The following NECAB2 variants were observed in gnomAD, a reference collection of about 807,000 sequenced individuals.
NECAB2 encodes N-terminal EF-hand calcium binding protein 2, also known as N-terminal EF-hand calcium-binding protein 2.
NECAB2 carries 68 observed loss-of-function variants against 51.9 expected under a neutral mutation model. That is an observed-to-expected ratio of 1.31 (90% CI 1.08 to 1.60). The LOEUF (loss-of-function observed/expected upper bound fraction) is 1.60. Ranked by LOEUF, NECAB2 falls within the 40% of genes most tolerant of loss-of-function variation. The probability of loss-of-function intolerance (pLI) is 0.00; values close to 1 mark genes in which losing one functional copy is unlikely to be tolerated. For missense variants in NECAB2, 854 were observed against 490.3 expected (o/e 1.74, Z -7.00); for synonymous variants, 329 against 203.5 (o/e 1.62, Z -5.25).
chr16:84,002,030 C>G (rs1253721831), intron 12 of NECAB2, 114 bp downstream of exon 12: 3 of 1,223,666 alleles, frequency 2.5e-6, no homozygotes, highest in Non-Finnish European at 3.5e-6. Context: ...GGCCCACTGT[C>G]AGCTCCTGCC....
intron 8 of NECAB2, 24 bp downstream of exon 8, chr16:83,994,712 G>A (rs762305588): frequency 2.2e-5 from 35 of 1,612,592 alleles, no homozygotes; most frequent in East Asian, 1.3e-4. Flanking sequence ...TGACCACGGC[G>A]TCTACTCCTT....
At chr16:83,984,251 TC>T (rs1013466195) in intron 5 of NECAB2, among the ~76,000 whole-genome samples, 1 of 151,838 alleles carries the variant, frequency 6.6e-6, no homozygotes, top group African/African-American at 2.4e-5. Flanking sequence ...CTCCTCGGCC[TC>T]CCAAAGTGCT....
At chr16:83,981,174 T>C (rs1180748626) in intron 5 of NECAB2, 47 bp downstream of exon 5, 1 of 1,252,514 alleles carries the variant, frequency 8.0e-7, no homozygotes, top group Non-Finnish European at 1.1e-6. Context: ...CCAGTGCTGC[T>C]TCAGTTCCAC....
At position 83,972,129 on chromosome 16, in the gene NECAB2, A is replaced by C. The variant is rs747993307; in HGVS notation, c.202-22A>C. On this transcript the variant is annotated intron_variant, in intron 1 of 12. Transcript: ENST00000305202. ...CTTGCCTCTCCCTGGCCCAGGGCTGACTCCGCCTCTCTTTTCTGCAGATTT... is the reference window on the plus strand; with the variant it reads ...CTTGCCTCTCCCTGGCCCAGGGCTGCCTCCGCCTCTCTTTTCTGCAGATTT... 1.9e-6 allele frequency: 3 copies of C among 1,612,928 alleles called. No homozygotes were observed. The South Asian group carries it at 3.3e-5, about 18-fold the overall frequency.
rs77097958 is a variant in NECAB2 at position 83,995,348 on chromosome 16, G to C, written c.795+660G>C. ...TCATAGCTGTGTGACCCTGGGCCAG[G>C]GACTTGTCCTCTCTGAGGCTTAGAT... On this transcript the variant is annotated intron_variant, in intron 8 of 12. Transcript: ENST00000305202. 1.5e-3 allele frequency among the ~76,000 whole-genome samples: 234 copies of C among 152,148 alleles called. 1 individual carries two copies. Among genetic ancestry groups the C allele is most frequent in the African/African-American group, 4.9e-3 (205 of 41,446 alleles).
upstream of NECAB2, among the ~76,000 whole-genome samples, chr16:83,967,007 G>C (rs1002856323): frequency 6.6e-6 from 1 of 152,096 alleles, no homozygotes; most frequent in African/African-American, 2.4e-5. Flanking sequence ...AAGTAGCTGG[G>C]ATTACAGGTG....
rs771125729 is a variant in NECAB2, at chr16:83,972,195, C to A, written c.226+20C>A. On this transcript the variant is annotated intron_variant, in intron 2 of 12. Coordinates refer to ENST00000305202, the MANE Select transcript of NECAB2 (RefSeq NM_019065.3). ...AAAATGGTGAGTTTCCCTTCCAGGC[C>A]GACGGCCGCCCCACTCCTTCTGTCC... is the stretch of plus-strand genomic sequence containing the variant. 1.9e-6 allele frequency: 3 copies of A among 1,613,408 alleles called. No homozygotes were observed. Among genetic ancestry groups the A allele is most frequent in the African/African-American group, 1.3e-5 (1 of 74,930 alleles).
chr16:83,997,389 A>C (rs1230675399), intron 9 of NECAB2, 120 bp downstream of exon 9: 1 of 1,137,312 alleles, frequency 8.8e-7, no homozygotes, highest in Non-Finnish European at 1.2e-6. Flanking sequence ...CCAGGAGGGG[A>C]GATGTCGCCC....
rs1437605837 is a variant in NECAB2 at position 84,002,356 on chromosome 16, A to G, written c.*10A>G. 3 of 1,613,736 alleles carry G rather than the reference A, an allele frequency of 1.9e-6. No homozygotes were observed. The highest frequency in any genetic ancestry group is 2.2e-5 in the East Asian group (1 of 44,862). On this transcript the variant is annotated 3_prime_UTR_variant, in exon 13 of 13. Coordinates refer to ENST00000305202, the MANE Select transcript of NECAB2 (RefSeq NM_019065.3). ...GGTGGGACGGGACTGACAGCCTCCC[A>G]GAGGCCCGTGGAGGAGCCCACCAGC...
At chr16:83,983,831 C>G (rs180799599) in intron 5 of NECAB2, among the ~76,000 whole-genome samples, 2 of 152,128 alleles carry the variant, frequency 1.3e-5, no homozygotes, top group East Asian at 1.9e-4. Flanking sequence ...ATCAGCTTCT[C>G]TAACATAGCA....
intron 6 of NECAB2, among the ~76,000 whole-genome samples, chr16:83,994,030 C>G (rs1438488377): frequency 6.6e-6 from 1 of 152,164 alleles, no homozygotes; most frequent in Non-Finnish European, 1.5e-5. Flanking sequence ...CACTCTGGAA[C>G]TGAATCTCTT....
In NECAB2 at chr16:83,973,047, A is replaced by G. The variant is rs149344732; in HGVS notation, c.226+872A>G. 2.1e-3 allele frequency among the ~76,000 whole-genome samples: 318 copies of G among 152,346 alleles called. 1 individual carries two copies. Among genetic ancestry groups the G allele is most frequent in the African/African-American group, 7.0e-3 (290 of 41,584 alleles). ...TGCCTCCTTCCCTGGGTTTTGGGGA[A>G]AAGCCAGAGAGGCGGTGTGGGTGAC... On this transcript the variant is annotated intron_variant, in intron 2 of 12. Coordinates refer to ENST00000305202, the MANE Select transcript of NECAB2 (RefSeq NM_019065.3).
intron 1 of NECAB2, 159 bp from the exon 2 acceptor site, chr16:83,971,992 G>A (rs1727595297): frequency 4.1e-6 from 4 of 964,094 alleles, no homozygotes; most frequent in African/African-American, 1.6e-5. Flanking sequence ...GTTCCCCCTG[G>A]ATCCCAGCCC....
chr16:83,995,964 G>A (rs1347212567), intron 8 of NECAB2, among the ~76,000 whole-genome samples: 1 of 152,216 alleles, frequency 6.6e-6, no homozygotes, highest in African/African-American at 2.4e-5. Context: ...TAACAACCAG[G>A]CTGGCTGGTA....
chr16:84,002,328 C>G lies in NECAB2; in HGVS notation c.1143C>G (p.Cys381Trp). 1.2e-6 allele frequency: 2 copies of G among 1,613,978 alleles called. No individual in the cohort carries two copies. Among genetic ancestry groups the G allele is most frequent in the Non-Finnish European group, 1.7e-6 (2 of 1,179,916 alleles). Residue 381 changes from cysteine to tryptophan, a missense_variant, in exon 13 of 13, where the codon TGC becomes TGG. Coordinates refer to ENST00000305202, the MANE Select transcript of NECAB2 (RefSeq NM_019065.3). ...TCTCTCTCCTTTTAGCTGCTTGGTG[C>G]ACGGTGGGACGGGACTGACAGCCTC... ...LSRILVPAAW[C>W]TVGRD
At chr16:83,968,924 C>A in intron 1 of NECAB2, 75 bp downstream of exon 1, 1 of 947,764 alleles carries the variant, frequency 1.1e-6, no homozygotes, top group Non-Finnish European at 1.3e-6. Flanking sequence ...CTCGGGCGGA[C>A]CCCGACGCCG....
chr16:83,981,238 T>G, intron 5 of NECAB2, 111 bp downstream of exon 5: 1 of 952,348 alleles, frequency 1.1e-6, no homozygotes, highest in Non-Finnish European at 1.6e-6. Flanking sequence ...GAGGCCTATC[T>G]CAGGGGTGGG....
At chr16:83,999,545 C>T (rs937716650) in intron 10 of NECAB2, among the ~76,000 whole-genome samples, 4 of 151,324 alleles carry the variant, frequency 2.6e-5, no homozygotes, top group Admixed American at 6.6e-5. Flanking sequence ...CCAGCCCGGC[C>T]CCTTCCTCTA....
At chr16:83,985,528 G>A (rs2084542316) in intron 5 of NECAB2, among the ~76,000 whole-genome samples, 1 of 151,002 alleles carries the variant, frequency 6.6e-6, no homozygotes, top group Non-Finnish European at 1.5e-5. Context: ...AGCTACTTGG[G>A]AGAGTGAGGC....
Sources: gnomAD v4.1 joint callset for allele counts (sites outside exome capture counted in the v4.1 genomes callset) on GRCh38, gnomAD v4.1.1 for gene constraint, MANE v1.5 for transcripts, NCBI Gene and HGNC (gene_info 2026-07-23, HGNC 2026-07-21) for gene names.